Variants in MED12L observed in about 807,000 individuals in gnomAD.
MED12L encodes mediator of RNA polymerase II transcription subunit 12-like protein.
In MED12L, 60 loss-of-function variants were observed where a neutral mutation model predicts 281.3. The ratio of observed to expected loss-of-function variants is 0.21; its 90% CI spans 0.17 to 0.26. MED12L has a LOEUF of 0.26. Among genes scored for constraint, MED12L ranks in the 10% least tolerant of loss-of-function variants. MED12L has a pLI of 1.00. For missense variants in MED12L, 2,146 were observed against 2,680.9 expected, an observed-to-expected ratio of 0.80 and a Z score of 4.41; for synonymous variants, 974 against 987.2, an observed-to-expected ratio of 0.99 and a Z score of 0.25.
At chr3:151,222,495 G>A (rs965745649) in intron 16 of MED12L, among the ~76,000 whole-genome samples, 1 of 152,074 alleles carries the variant, frequency 6.6e-6, no homozygotes, top group African/African-American at 2.4e-5. Context: ...ATCTTTCTGT[G>A]CTGTTCTTGT....
intron 11 of MED12L, among the ~76,000 whole-genome samples, chr3:151,174,184 CA>C (rs1721773706): frequency 6.6e-6 from 1 of 152,116 alleles, no homozygotes; most frequent in Admixed American, 6.6e-5. Context: ...GATTTTGGAG[CA>C]TTTCAGATTT....
chr3:151,405,600 G>T (rs4680408), intron 39 of MED12L, among the ~76,000 whole-genome samples: 42,107 of 151,978 alleles, frequency 0.28, 7,200 homozygotes, highest in Non-Finnish European at 0.38. Context: ...TCTTGCCACT[G>T]CACTACAGCC....
intron 16 of MED12L, among the ~76,000 whole-genome samples, chr3:151,204,115 A>T (rs1576961508): frequency 6.6e-6 from 1 of 152,280 alleles, no homozygotes. Flanking sequence ...TTCTGGTTCA[A>T]AGTTGATGTG....
intron 8 of MED12L, among the ~76,000 whole-genome samples, chr3:151,160,763 A>G (rs1576857138): frequency 6.6e-6 from 1 of 152,210 alleles, no homozygotes; most frequent in South Asian, 2.1e-4. Flanking sequence ...TCATAAATGG[A>G]CAGTTTCCAA....
intron 16 of MED12L, among the ~76,000 whole-genome samples, chr3:151,247,681 C>T (rs1479570024): frequency 6.9e-6 from 1 of 145,456 alleles, no homozygotes; most frequent in Non-Finnish European, 1.5e-5. Flanking sequence ...TTAGTGGGTG[C>T]AGTGCACCAG....
intron 16 of MED12L, among the ~76,000 whole-genome samples, chr3:151,345,852 A>C (rs1299009875): frequency 3.3e-5 from 5 of 152,070 alleles, no homozygotes; most frequent in Non-Finnish European, 7.4e-5. Flanking sequence ...TGATGTAAAC[A>C]AATCTTGTAG....
At chr3:151,382,882 C>G in intron 33 of MED12L, 137 bp downstream of exon 33, 1 of 625,444 alleles carries the variant, frequency 1.6e-6, no homozygotes, top group Non-Finnish European at 2.8e-6. Context: ...GTAATTACTT[C>G]CCTGTTTCTA....
intron 16 of MED12L, among the ~76,000 whole-genome samples, chr3:151,319,259 G>C (rs1748683672): frequency 6.6e-6 from 1 of 152,108 alleles, no homozygotes; most frequent in South Asian, 2.1e-4. Context: ...ATAATCGAAA[G>C]GTAAACCAGC....
chr3:151,269,530 A>G, intron 16 of MED12L: 1 of 290,424 alleles, frequency 3.4e-6, no homozygotes, highest in Non-Finnish European at 6.7e-6. Flanking sequence ...TTTTTGGAAG[A>G]GGTCAAAATT....
At chr3:151,331,985 G>A (rs145567939) in intron 16 of MED12L, among the ~76,000 whole-genome samples, 172 of 152,282 alleles carry the variant, frequency 1.1e-3, no homozygotes, top group African/African-American at 3.7e-3. Flanking sequence ...CAGTGGAATT[G>A]TTTGCCAAAT....
At chr3:151,423,605 C>G (rs1718529249) in intron 43 of MED12L, among the ~76,000 whole-genome samples, 1 of 152,144 alleles carries the variant, frequency 6.6e-6, no homozygotes, top group South Asian at 2.1e-4. Flanking sequence ...ATATATTTGG[C>G]ATGTCTGATT....
chr3:151,141,157 G>A (rs1398046681), intron 5 of MED12L, among the ~76,000 whole-genome samples: 6 of 122,120 alleles, frequency 4.9e-5, no homozygotes, highest in African/African-American at 2.0e-4. Context: ...GTGAGCCACC[G>A]TGCCTGGCGT....
intron 16 of MED12L, among the ~76,000 whole-genome samples, chr3:151,293,638 TACACACACACACACAC>T (rs199892582): frequency 7.0e-5 from 7 of 99,670 alleles, no homozygotes; most frequent in Admixed American, 3.0e-4. Flanking sequence ...ATGAAGCCCT[TACACACACACACACAC>T]ACACACACAC....
intron 16 of MED12L, among the ~76,000 whole-genome samples, chr3:151,206,072 T>A (rs934272418): frequency 1.1e-5 from 1 of 87,058 alleles, no homozygotes; most frequent in African/African-American, 6.8e-5. Flanking sequence ...AAGAAAATAA[T>A]TTTTTTTTTT....
At chr3:151,164,663 G>A (rs1400848756) in intron 9 of MED12L, among the ~76,000 whole-genome samples, 1 of 152,176 alleles carries the variant, frequency 6.6e-6, no homozygotes, top group Non-Finnish European at 1.5e-5. Context: ...GGAATACTGT[G>A]CAACCATAAA....
chr3:151,106,118 CT>C (rs948643121), intron 2 of MED12L, among the ~76,000 whole-genome samples: 2 of 152,142 alleles, frequency 1.3e-5, no homozygotes, highest in African/African-American at 4.8e-5. Flanking sequence ...TCCCAATCCC[CT>C]TACCCTCAGC....
chr3:151,163,409 A>G (rs1248546113), intron 8 of MED12L, among the ~76,000 whole-genome samples: 1 of 152,242 alleles, frequency 6.6e-6, no homozygotes, highest in African/African-American at 2.4e-5. Context: ...TCTTATAGAA[A>G]AAGTTTGACA....
chr3:151,091,692 G>C (rs1720065745), intron 2 of MED12L, among the ~76,000 whole-genome samples: 1 of 152,210 alleles, frequency 6.6e-6, no homozygotes, highest in South Asian at 2.1e-4. Context: ...TCCCCCTCCA[G>C]TGGCTTTTTC....
chr3:151,298,085 C>A (rs1010228166), intron 16 of MED12L, among the ~76,000 whole-genome samples: 3 of 152,068 alleles, frequency 2.0e-5, no homozygotes, highest in African/African-American at 7.2e-5. Flanking sequence ...TTGAGAGTTT[C>A]GTGTGATTAA....
Sources: gnomAD v4.1 joint callset for allele counts (sites outside exome capture counted in the v4.1 genomes callset) on GRCh38, gnomAD v4.1.1 for gene constraint, MANE v1.5 for transcripts, NCBI Gene and HGNC (gene_info 2026-07-23, HGNC 2026-07-21) for gene names.